KIRREL3: variants seen among roughly 807,000 people sequenced by gnomAD.
KIRREL3 encodes kin of IRRE-like protein 3.
A neutral mutation model predicts 89.7 loss-of-function variants in KIRREL3; 36 were observed. The ratio of observed to expected loss-of-function variants is 0.40; its 90% confidence interval spans 0.31 to 0.53. KIRREL3 has a LOEUF of 0.53. Among genes scored for constraint, KIRREL3 ranks in the 20% least tolerant of loss-of-function variants. KIRREL3 has a pLI of 0.49. For missense variants in KIRREL3, 864 were observed against 1,056.6 expected (o/e 0.82, Z 2.53); for synonymous variants, 445 against 441.4 (o/e 1.01, Z -0.10).
At chr11:126,529,947 A>G (rs1459606519) in intron 2 of KIRREL3, among the ~76,000 whole-genome samples, 3 of 141,872 alleles carry the variant, frequency 2.1e-5, no homozygotes, top group Non-Finnish European at 4.5e-5. Flanking sequence ...GAAGGTGGAG[A>G]TGGAGGGATG....
At chr11:126,979,172 G>A (rs1302371829) in intron 1 of KIRREL3, among the ~76,000 whole-genome samples, 2 of 152,220 alleles carry the variant, frequency 1.3e-5, no homozygotes, top group African/African-American at 4.8e-5. Context: ...CATTGTCAAT[G>A]CTCCACAGAC....
rs1951373271 is a variant in KIRREL3 at position 126,811,148 on chromosome 11, A to T, written c.55+189307T>A. Reference sequence around the variant, plus strand: ...AAGCTCCCGCAGCAGCCAGGCTCTTAAGCAGCCAGCTAGCAACTCCATGTG... The same window carrying T: ...AAGCTCCCGCAGCAGCCAGGCTCTTTAGCAGCCAGCTAGCAACTCCATGTG... On this transcript the variant is annotated intron_variant, in intron 1 of 16. Transcript: ENST00000525144. This position sits in a 1 kb window ranked among gnomAD's most constrained non-coding sequence, Gnocchi z 4.3. Among the ~76,000 whole-genome samples the T allele has an allele frequency of 6.6e-6, 1 of 152,154 alleles. No individual in the cohort carries two copies. Among genetic ancestry groups the T allele is most frequent in the African/African-American group, 2.4e-5 (1 of 41,444 alleles).
intron 1 of KIRREL3, among the ~76,000 whole-genome samples, chr11:126,911,278 T>C (rs1016995164): frequency 5.3e-5 from 8 of 152,282 alleles, no homozygotes; most frequent in African/African-American, 1.4e-4. Context: ...AAAATGGCAT[T>C]GTTGTCAAAC....
At position 126,574,571 on chromosome 11, in the gene KIRREL3, C is replaced by A. The variant is rs572192101; in HGVS notation, c.56-11659G>T. ...ATTAGCATGCCAAGGACTGCACAGA[C>A]CCTGCACGTCAATAGCTGAGCCCCA... On this transcript the variant is annotated intron_variant, in intron 1 of 16. Transcript: ENST00000525144. The surrounding 1 kb of genome is among the most constrained non-coding windows in gnomAD (Gnocchi z 5.3). Among the ~76,000 whole-genome samples the A allele has an allele frequency of 6.6e-6, 1 of 152,288 alleles. No individual in the cohort carries two copies. Among genetic ancestry groups the A allele is most frequent in the Admixed American group, 6.5e-5 (1 of 15,302 alleles).
At position 126,454,007 on chromosome 11, in the gene KIRREL3, G is replaced by A. The variant is rs1956262092; in HGVS notation, c.848+2342C>T. ...GGGGAAGCCCGCATGTTCTCTGCTT[G>A]TTCATTAACTTTTCAGCTTGCAAAA... is the stretch of plus-strand genomic sequence containing the variant. On this transcript the variant is annotated intron_variant, in intron 7 of 16. Transcript: ENST00000525144. This position sits in a 1 kb window ranked among gnomAD's most constrained non-coding sequence, Gnocchi z 5.8. 6.6e-6 allele frequency among the ~76,000 whole-genome samples: 1 copy of A among 152,134 alleles called. No homozygotes were observed. The highest frequency in any genetic ancestry group is 2.4e-5 in the African/African-American group (1 of 41,420).
At chr11:126,745,459 A>AAAACAAACAAACAAAC (rs67307715) in intron 1 of KIRREL3, among the ~76,000 whole-genome samples, 64 of 138,984 alleles carry the variant, frequency 4.6e-4, no homozygotes, top group African/African-American at 1.5e-3. Context: ...ATCAAGATGG[A>AAAACAAACAAACAAAC]AAACAAACAA....
At chr11:126,532,341 C>A (rs997257819) in intron 2 of KIRREL3, among the ~76,000 whole-genome samples, 4 of 152,050 alleles carry the variant, frequency 2.6e-5, no homozygotes, top group African/African-American at 4.8e-5. Context: ...ACCAACAAGG[C>A]AGCCTACTCA....
chr11:126,759,522 G>A (rs916759813), intron 1 of KIRREL3, among the ~76,000 whole-genome samples: 3 of 152,206 alleles, frequency 2.0e-5, no homozygotes, highest in Non-Finnish European at 2.9e-5. Context: ...TATGCTCATA[G>A]TTTTTACTGA....
In KIRREL3 at chr11:126,655,666, G is replaced by T. The variant is rs1442858433; in HGVS notation, c.56-92754C>A. On this transcript the variant is annotated intron_variant, in intron 1 of 16. Transcript: ENST00000525144. This position sits in a 1 kb window ranked among gnomAD's most constrained non-coding sequence, Gnocchi z 5.0. ...GGAGCAGTGTGTGCCCGTCCACCCT[G>T]GGAGAGGCTTATGAAGGCTGTGTCT... is the stretch of plus-strand genomic sequence containing the variant. Among the ~76,000 whole-genome samples the T allele has an allele frequency of 2.0e-5, 3 of 152,162 alleles. No homozygotes were observed. Among genetic ancestry groups the T allele is most frequent in the Admixed American group, 2.0e-4 (3 of 15,286 alleles).
rs376191225 is a variant in KIRREL3 at position 126,759,477 on chromosome 11, A to G, written c.56-196565T>C. Among the ~76,000 whole-genome samples the G allele has an allele frequency of 5.9e-5, 9 of 152,336 alleles. No individual in the cohort carries two copies. The East Asian group carries it at 1.3e-3, about 23-fold the overall frequency. ...CATATATTAGAACCAGAGCACGTGT[A>G]TAGAATTTACAGAGAAATGCATATA... On this transcript the variant is annotated intron_variant, in intron 1 of 16. Coordinates refer to ENST00000525144, the MANE Select transcript of KIRREL3 (RefSeq NM_032531.4).
rs970794738 is a variant in KIRREL3, at chr11:126,709,850, G to A, written c.56-146938C>T. Among the ~76,000 whole-genome samples, 5 of 152,200 alleles carry A rather than the reference G, an allele frequency of 3.3e-5. No individual in the cohort carries two copies. The highest frequency in any genetic ancestry group is 7.2e-5 in the African/African-American group (3 of 41,444). On this transcript the variant is annotated intron_variant, in intron 1 of 16. Coordinates refer to ENST00000525144, the MANE Select transcript of KIRREL3 (RefSeq NM_032531.4). The surrounding 1 kb of genome is among the most constrained non-coding windows in gnomAD (Gnocchi z 4.0). ...TAATACAGGAGGCCGGGCAGGCATT[G>A]TCCAAGGGAGCTGGAGAGGCTGAGC...
chr11:126,716,664 AAC>A (rs2134159533), intron 1 of KIRREL3, among the ~76,000 whole-genome samples: 1 of 151,288 alleles, frequency 6.6e-6, no homozygotes, highest in Non-Finnish European at 1.5e-5. Flanking sequence ...CCCTGGAAGA[AAC>A]AGCCAAATGC....
intron 1 of KIRREL3, among the ~76,000 whole-genome samples, chr11:126,873,271 T>C (rs1945166396): frequency 6.6e-6 from 1 of 152,232 alleles, no homozygotes; most frequent in Admixed American, 6.5e-5. Context: ...TAAAATGTTT[T>C]ACTTTAATGT....
In KIRREL3 at chr11:126,805,590, C is replaced by T. The variant is rs1054063273; in HGVS notation, c.55+194865G>A. On this transcript the variant is annotated intron_variant, in intron 1 of 16. Transcript: ENST00000525144. The surrounding 1 kb of genome is among the most constrained non-coding windows in gnomAD (Gnocchi z 4.3). ...TAATTAATGAATAAATTAAACAAGG[C>T]TTTTCCACTCTATCATCTTGTCACC... is the stretch of plus-strand genomic sequence containing the variant. Among the ~76,000 whole-genome samples the T allele has an allele frequency of 1.3e-5, 2 of 152,212 alleles. No individual in the cohort carries two copies. Among genetic ancestry groups the T allele is most frequent in the Non-Finnish European group, 2.9e-5 (2 of 68,034 alleles).
rs117659511 is a variant in KIRREL3 at position 126,819,949 on chromosome 11, C to T, written c.55+180506G>A. Among the ~76,000 whole-genome samples, 41 of 152,266 alleles carry T rather than the reference C, an allele frequency of 2.7e-4. No homozygotes were observed. The East Asian group carries it at 4.6e-3, about 17-fold the overall frequency. On this transcript the variant is annotated intron_variant, in intron 1 of 16. Transcript: ENST00000525144. ...AGGACACCTGGGTTCCACTTGATTA[C>T]GGCTAATTAGGTTATTTATTTAATG...
chr11:126,473,368 C>A lies in KIRREL3; in HGVS notation c.532G>T (p.Ala178Ser). ...LTCHADNAKPAASIIWLRKGE... is the reference protein window; with the variant it reads ...LTCHADNAKPSASIIWLRKGE... ...TTTCGCAACCAGATGATGGAGGCTG[C>A]AGGCTTGGCATTGTCTGCGTGGCAG... The change falls in exon 5 of 17, where the codon GCA becomes TCA. Residue 178 changes from alanine (A) to serine (S), a missense_variant. By Grantham distance (99) the Ala-to-Ser change is moderately conservative. Coordinates refer to ENST00000525144, the MANE Select transcript of KIRREL3 (RefSeq NM_032531.4). 1 of 1,563,320 alleles carries A rather than the reference C, an allele frequency of 6.4e-7. No homozygotes were observed. Among genetic ancestry groups the A allele is most frequent in the Middle Eastern group, 1.7e-4 (1 of 5,938 alleles).
chr11:126,451,008 T>G (rs964825353), intron 7 of KIRREL3, among the ~76,000 whole-genome samples: 67 of 150,168 alleles, frequency 4.5e-4, no homozygotes, highest in African/African-American at 1.6e-3. Context: ...TGTGTGCACG[T>G]GAGTGCATGT....
chr11:126,764,453 CA>C lies in KIRREL3; in HGVS notation c.56-201542del, dbSNP rs1320062077. 6.6e-6 allele frequency among the ~76,000 whole-genome samples: 1 copy of C among 152,134 alleles called. No individual in the cohort carries two copies. Among genetic ancestry groups the C allele is most frequent in the Non-Finnish European group, 1.5e-5 (1 of 68,030 alleles). ...GCTGTGTGGTTCAAGATCAACTTCG[CA>C]GAGAAACACCGTTTCCAGAAGCAGT... On this transcript the variant is annotated intron_variant, in intron 1 of 16. Coordinates refer to ENST00000525144, the MANE Select transcript of KIRREL3 (RefSeq NM_032531.4). This position sits in a 1 kb window ranked among gnomAD's most constrained non-coding sequence, Gnocchi z 4.2.
At chr11:126,945,443 G>T (rs573832571) in intron 1 of KIRREL3, among the ~76,000 whole-genome samples, 1 of 152,042 alleles carries the variant, frequency 6.6e-6, no homozygotes, top group Non-Finnish European at 1.5e-5. Flanking sequence ...ATTCTCTCCC[G>T]TGTCTCCGCA....
Sources: gnomAD v4.1 joint callset for allele counts (sites outside exome capture counted in the v4.1 genomes callset) on GRCh38, gnomAD v4.1.1 for gene constraint, Gnocchi (gnomAD v3.1) non-coding constraint, MANE v1.5 for transcripts, NCBI Gene and HGNC (gene_info 2026-07-23, HGNC 2026-07-21) for gene names.